The following TTLL11 variants were observed in gnomAD, a reference collection of about 807,000 sequenced individuals.
The protein encoded by TTLL11 is tubulin polyglutamylase TTLL11.
Under a neutral mutation model 51.7 loss-of-function variants are expected in TTLL11, and 42 were observed. That is an observed-to-expected ratio of 0.81 (90% CI 0.64 to 1.05). TTLL11 has a LOEUF of 1.05. TTLL11 is among the 50% of genes least tolerant of loss of function. TTLL11 has a pLI of 0.00. For synonymous variants in TTLL11, 381 were observed against 383.5 expected (o/e 0.99, Z 0.08); for missense variants, 799 against 940.4 (o/e 0.85, Z 1.97).
At chr9:122,000,147 C>G (rs1206272789) in intron 3 of TTLL11, among the ~76,000 whole-genome samples, 3 of 152,116 alleles carry the variant, frequency 2.0e-5, no homozygotes, top group African/African-American at 7.2e-5. Context: ...CAGGATGAGA[C>G]AGGAGGTCAG....
intron 6 of TTLL11, 56 bp downstream of exon 6, chr9:121,973,953 G>A (rs536247170): frequency 3.0e-6 from 4 of 1,345,530 alleles, no homozygotes; most frequent in East Asian, 2.5e-5. Flanking sequence ...CTTAGGATAC[G>A]AAGCCGGGTT....
At chr9:121,825,720 GA>G (rs1318506493) in intron 8 of TTLL11, among the ~76,000 whole-genome samples, 3 of 152,060 alleles carry the variant, frequency 2.0e-5, no homozygotes, top group Non-Finnish European at 4.4e-5. Context: ...GCCACACTTT[GA>G]ATGGCAAGGA....
intron 8 of TTLL11, among the ~76,000 whole-genome samples, chr9:121,835,570 TTAAG>T (rs1224701100): frequency 2.0e-5 from 3 of 152,212 alleles, no homozygotes; most frequent in Non-Finnish European, 2.9e-5. Flanking sequence ...GAGAAATTAA[TTAAG>T]TGTCACGACT....
chr9:121,889,468 A>C (rs1839137549), intron 6 of TTLL11, among the ~76,000 whole-genome samples: 1 of 152,144 alleles, frequency 6.6e-6, no homozygotes, highest in African/African-American at 2.4e-5. Context: ...ATCACCTTCC[A>C]TCTCCAGAAC....
intron 6 of TTLL11, among the ~76,000 whole-genome samples, chr9:121,962,461 A>G (rs1438494675): frequency 6.6e-6 from 1 of 152,148 alleles, no homozygotes. Flanking sequence ...TACTTATCCA[A>G]GCCCAAGCTA....
chr9:122,016,426 A>T (rs1416166810), intron 3 of TTLL11, among the ~76,000 whole-genome samples: 1 of 152,212 alleles, frequency 6.6e-6, no homozygotes, highest in Non-Finnish European at 1.5e-5. Context: ...AAATCAGCAC[A>T]TTGTCTACAG....
chr9:121,998,414 G>A (rs1843352961), intron 3 of TTLL11, among the ~76,000 whole-genome samples: 1 of 152,004 alleles, frequency 6.6e-6, no homozygotes, highest in Admixed American at 6.6e-5. Context: ...AGCCTCCCGA[G>A]TAGCTGGGAT....
chr9:122,023,903 C>A (rs186604370), intron 3 of TTLL11, among the ~76,000 whole-genome samples: 8 of 152,186 alleles, frequency 5.3e-5, no homozygotes, highest in African/African-American at 1.9e-4. Flanking sequence ...AGGAAAAAGT[C>A]CCGGACATCT....
chr9:121,945,630 T>C (rs1003841923), intron 6 of TTLL11, among the ~76,000 whole-genome samples: 2 of 152,230 alleles, frequency 1.3e-5, no homozygotes, highest in Non-Finnish European at 2.9e-5. Flanking sequence ...TTCCCTCTGC[T>C]TCCTACACCA....
chr9:121,905,840 A>C (rs1319034489), intron 6 of TTLL11, among the ~76,000 whole-genome samples: 1 of 152,184 alleles, frequency 6.6e-6, no homozygotes, highest in Non-Finnish European at 1.5e-5. Flanking sequence ...CTTTGGTGCA[A>C]ATTCCTAGAA....
At chr9:121,833,249 C>T (rs751212577) in intron 8 of TTLL11, among the ~76,000 whole-genome samples, 24 of 152,150 alleles carry the variant, frequency 1.6e-4, no homozygotes, top group Non-Finnish European at 2.8e-4. Context: ...TGCAGCCAGC[C>T]GCACGTCTCT....
rs148578040 is a variant in TTLL11, at chr9:121,917,297, A to T, written c.1482-46549T>A. On this transcript the variant is annotated intron_variant, in intron 6 of 8. Coordinates refer to ENST00000321582, the MANE Select transcript of TTLL11 (RefSeq NM_001139442.2). ...CGCCTAGGCAATATAGCAAGATCTT[A>T]TCTCTATAAAAAAAAAAAATGAAAA... 5.1e-4 allele frequency among the ~76,000 whole-genome samples: 76 copies of T among 150,298 alleles called. No homozygotes were observed. In the Middle Eastern group the frequency reaches 0.014, roughly 27 times the overall value.
chr9:121,825,772 T>A (rs565266687), intron 8 of TTLL11, among the ~76,000 whole-genome samples: 3 of 152,160 alleles, frequency 2.0e-5, no homozygotes, highest in Non-Finnish European at 4.4e-5. Context: ...CAAATGTCAG[T>A]TTCGTTCCCT....
chr9:121,832,961 A>G (rs536615405), intron 8 of TTLL11, among the ~76,000 whole-genome samples: 6 of 152,160 alleles, frequency 3.9e-5, no homozygotes, highest in Admixed American at 3.9e-4. Flanking sequence ...AAAACAGACA[A>G]ACAAACAAAA....
intron 1 of TTLL11, among the ~76,000 whole-genome samples, chr9:122,079,503 A>C (rs769475077): frequency 5.9e-5 from 9 of 151,752 alleles, no homozygotes; most frequent in Non-Finnish European, 1.0e-4. Flanking sequence ...TGAGGTCAAG[A>C]GATCGAGACC....
chr9:122,069,989 TCACA>T (rs144009501), intron 1 of TTLL11, among the ~76,000 whole-genome samples: 30 of 148,802 alleles, frequency 2.0e-4, no homozygotes, highest in East Asian at 1.6e-3. Context: ...GCATAGAGAA[TCACA>T]CACACACACA....
intron 7 of TTLL11, among the ~76,000 whole-genome samples, chr9:121,861,046 C>A (rs2131381005): frequency 6.6e-6 from 1 of 150,826 alleles, no homozygotes; most frequent in East Asian, 2.0e-4. Flanking sequence ...ATGGGTCTAA[C>A]AGGCTGGAAA....
At chr9:122,016,434 C>G (rs540571407) in intron 3 of TTLL11, among the ~76,000 whole-genome samples, 1 of 152,126 alleles carries the variant, frequency 6.6e-6, no homozygotes, top group Non-Finnish European at 1.5e-5. Context: ...ACATTGTCTA[C>G]AGGAAGGAAA....
chr9:122,093,073 C>T lies in TTLL11; in HGVS notation c.76G>A (p.Ala26Thr). 2 of 1,507,498 alleles carry T rather than the reference C, an allele frequency of 1.3e-6. No homozygotes were observed. Among genetic ancestry groups the T allele is most frequent in the East Asian group, 2.7e-5 (1 of 37,002 alleles). The allele number at this position is 1,507,498 out of a possible 1,614,324, so 93.4% of individuals were successfully genotyped here. The change falls in exon 1 of 9, where the codon GCC becomes ACC. Residue 26 changes from alanine to threonine, a missense_variant. This residue lies in a region of TTLL11 where 166 missense variants were observed against 161.6 expected (regional missense o/e 1.03). Transcript: ENST00000321582. ...AEAVAAAKAA[A>T]KAEAEATAET... Reference sequence around the variant, plus strand: ...GCTGTGGCCTCGGCCTCAGCTTTGGCCGCCGCTTTGGCCGCAGCCACCGCC... The same window carrying T: ...GCTGTGGCCTCGGCCTCAGCTTTGGTCGCCGCTTTGGCCGCAGCCACCGCC...
Sources: allele counts gnomAD v4.1 joint callset (sites outside exome capture counted in the v4.1 genomes callset), GRCh38; gene constraint gnomAD v4.1.1; regional missense constraint gnomAD v4.1.1; transcripts MANE v1.5; gene names NCBI Gene and HGNC (gene_info 2026-07-23, HGNC 2026-07-21).